Variants in GPC5 observed in about 807,000 individuals in gnomAD.
GPC5 encodes glypican 5.
Under a neutral mutation model 53.9 loss-of-function variants are expected in GPC5, and 47 were observed. The ratio of observed to expected loss-of-function variants is 0.87; its 90% CI spans 0.69 to 1.11. The LOEUF (loss-of-function observed/expected upper bound fraction) is 1.11. GPC5 is among the 50% of genes most tolerant of loss of function. GPC5 has a pLI of 0.00. For synonymous variants in GPC5, 286 were observed against 263.3 expected (o/e 1.09, Z -0.84); for missense variants, 748 against 713.1 (o/e 1.05, Z -0.56).
chr13:92,616,382 G>C (rs1241493800), intron 7 of GPC5, among the ~76,000 whole-genome samples: 1 of 152,096 alleles, frequency 6.6e-6, no homozygotes, highest in East Asian at 1.9e-4. Flanking sequence ...TATTTAATAA[G>C]ACTATAGCAT....
intron 6 of GPC5, among the ~76,000 whole-genome samples, chr13:92,052,389 T>C (rs1048559848): frequency 2.0e-5 from 3 of 152,102 alleles, no homozygotes; most frequent in Non-Finnish European, 2.9e-5. Flanking sequence ...GCAAGATTTA[T>C]TGTGAAGAGC....
intron 7 of GPC5, among the ~76,000 whole-genome samples, chr13:92,458,133 T>G (rs1878342231): frequency 6.6e-6 from 1 of 152,152 alleles, no homozygotes; most frequent in Non-Finnish European, 1.5e-5. Context: ...ATAGAAAAAC[T>G]CCTGTTATGT....
In GPC5 at chr13:92,486,359, G is replaced by A. The variant is rs1879554755; in HGVS notation, c.1561+341370G>A. Among the ~76,000 whole-genome samples, 3 of 152,068 alleles carry A rather than the reference G, an allele frequency of 2.0e-5. No individual in the cohort carries two copies. In the South Asian group the frequency reaches 6.2e-4, roughly 32 times the overall value. On this transcript the variant is annotated intron_variant, in intron 7 of 7. Transcript: ENST00000377067. The stretch of plus-strand genomic sequence containing the variant: ...CAAGCTTTTATCTGTTGGCATCATT[G>A]TCATTATAATTATATGTGGTATAAT...
intron 7 of GPC5, among the ~76,000 whole-genome samples, chr13:92,787,573 T>G (rs1285697915): frequency 6.7e-6 from 1 of 149,676 alleles, no homozygotes; most frequent in Admixed American, 6.7e-5. Flanking sequence ...GACTCATGCC[T>G]GTAATGCCAA....
At chr13:91,900,605 G>T (rs953589970) in intron 5 of GPC5, among the ~76,000 whole-genome samples, 3 of 151,910 alleles carry the variant, frequency 2.0e-5, no homozygotes, top group African/African-American at 7.3e-5. Flanking sequence ...CATTTGCTTT[G>T]AATTTTTGAT....
intron 2 of GPC5, among the ~76,000 whole-genome samples, chr13:91,598,818 A>G (rs2033082901): frequency 6.6e-6 from 1 of 152,002 alleles, no homozygotes; most frequent in Non-Finnish European, 1.5e-5. Context: ...TAAGTTGTAT[A>G]CTAGGGTATT....
intron 7 of GPC5, among the ~76,000 whole-genome samples, chr13:92,713,870 T>G (rs1048550533): frequency 1.3e-5 from 2 of 152,198 alleles, no homozygotes; most frequent in Non-Finnish European, 2.9e-5. Flanking sequence ...TACAAAATGT[T>G]ACACCCGTTC....
intron 7 of GPC5, among the ~76,000 whole-genome samples, chr13:92,363,414 G>T (rs1241467444): frequency 6.6e-6 from 1 of 151,634 alleles, no homozygotes; most frequent in East Asian, 1.9e-4. Flanking sequence ...ATGGTTTCAG[G>T]ATGAAACTGT....
intron 6 of GPC5, among the ~76,000 whole-genome samples, chr13:92,135,266 A>G (rs2041774813): frequency 6.6e-6 from 1 of 152,052 alleles, no homozygotes; most frequent in African/African-American, 2.4e-5. Context: ...AAGTGTTTTC[A>G]TATAGATGTT....
chr13:91,439,244 G>A (rs1880239860), intron 1 of GPC5, among the ~76,000 whole-genome samples: 1 of 152,190 alleles, frequency 6.6e-6, no homozygotes, highest in Non-Finnish European at 1.5e-5. Context: ...TGTTATAGCT[G>A]GTGTGTGTGC....
chr13:91,880,600 T>A (rs554168812), intron 5 of GPC5, among the ~76,000 whole-genome samples: 10 of 152,300 alleles, frequency 6.6e-5, no homozygotes, highest in African/African-American at 2.2e-4. Flanking sequence ...TTCTCACTCG[T>A]CAGACATTTT....
chr13:91,424,534 T>C (rs879492649), intron 1 of GPC5, among the ~76,000 whole-genome samples: 4 of 151,806 alleles, frequency 2.6e-5, no homozygotes, highest in Admixed American at 6.6e-5. Context: ...CCAGCTAATT[T>C]TTTGTATTTT....
intron 2 of GPC5, among the ~76,000 whole-genome samples, chr13:91,484,882 G>C (rs992760019): frequency 6.6e-6 from 1 of 152,200 alleles, no homozygotes; most frequent in Non-Finnish European, 1.5e-5. Context: ...GTGGCATAAT[G>C]TGTACTTTTC....
At chr13:91,553,687 T>G (rs942019275) in intron 2 of GPC5, among the ~76,000 whole-genome samples, 4 of 152,098 alleles carry the variant, frequency 2.6e-5, no homozygotes, top group African/African-American at 9.7e-5. Context: ...ATAAATATTT[T>G]TACATATTCT....
chr13:91,525,935 C>A (rs543432906), intron 2 of GPC5, among the ~76,000 whole-genome samples: 2 of 152,192 alleles, frequency 1.3e-5, no homozygotes, highest in Admixed American at 1.3e-4. Context: ...AACATTTGTC[C>A]TCTACCACTA....
intron 7 of GPC5, among the ~76,000 whole-genome samples, chr13:92,233,771 TA>T (rs1414412102): frequency 6.6e-6 from 1 of 152,156 alleles, no homozygotes; most frequent in African/African-American, 2.4e-5. Context: ...ACTCGTCATT[TA>T]ACATTAGGTA....
intron 6 of GPC5, among the ~76,000 whole-genome samples, chr13:92,068,804 T>A (rs2041187317): frequency 6.6e-6 from 1 of 151,768 alleles, no homozygotes; most frequent in Non-Finnish European, 1.5e-5. Flanking sequence ...TTATTGTACT[T>A]TTTAAAATTA....
At chr13:91,879,922 G>T (rs2039245903) in intron 5 of GPC5, among the ~76,000 whole-genome samples, 1 of 152,068 alleles carries the variant, frequency 6.6e-6, no homozygotes, top group Admixed American at 6.6e-5. Flanking sequence ...GTTTATAAGA[G>T]ATACTGTTTA....
chr13:91,721,711 G>T (rs955957788), intron 3 of GPC5, among the ~76,000 whole-genome samples: 1 of 152,066 alleles, frequency 6.6e-6, no homozygotes, highest in African/African-American at 2.4e-5. Flanking sequence ...CTATTTTAGA[G>T]TTGTTCTCTC....
Sources: allele counts gnomAD v4.1 joint callset (sites outside exome capture counted in the v4.1 genomes callset), GRCh38; gene constraint gnomAD v4.1.1; transcripts MANE v1.5; gene names NCBI Gene and HGNC (gene_info 2026-07-23, HGNC 2026-07-21).